The following TRPC5OS variants were observed in gnomAD, a reference collection of about 807,000 sequenced individuals.
The protein encoded by TRPC5OS is TRPC5 opposite strand, also known as putative uncharacterized protein TRPC5OS.
For synonymous variants in TRPC5OS, 30 were observed against 29.3 expected (o/e 1.02, Z -0.08); for missense variants, 64 against 79.3 (o/e 0.81, Z 0.73).
chrX:111,902,028 C>A lies in TRPC5OS; in HGVS notation c.179C>A (p.Ser60Ter). The A allele has an allele frequency of 8.7e-7, 1 of 1,155,625 alleles. No homozygotes were observed. Among genetic ancestry groups the A allele is most frequent in the Non-Finnish European group, 1.1e-6 (1 of 872,727 alleles). The change falls in exon 4 of 4, where the codon TCG becomes TAG. Residue 60 changes from serine (S) to a stop codon, truncating the protein, a stop_gained. Coordinates refer to ENST00000635763, the MANE Select transcript of TRPC5OS (RefSeq NM_001195578.2). LOFTEE classifies it low-confidence loss of function (END_TRUNC). ...EADAPLPEEPSLPDLPDLSDL... is the reference protein window; with the variant it reads ...EADAPLPEEP ...GATGCACCTCTTCCCGAGGAGCCTT[C>A]GCTACCTGATCTCCCTGATCTCTCA...
At chrX:111,885,427 T>A (rs1235292862) in intron 1 of TRPC5OS, among the ~76,000 whole-genome samples, 1 of 111,122 alleles carries the variant, frequency 9.0e-6, no homozygotes, top group East Asian at 2.8e-4. Flanking sequence ...AAGACTAGAG[T>A]GCCCAACTCA....
chrX:111,877,115 G>C (rs1198419789), intron 1 of TRPC5OS, among the ~76,000 whole-genome samples: 2 of 111,889 alleles, frequency 1.8e-5, no homozygotes, highest in African/African-American at 6.5e-5. Context: ...TGATAGCATG[G>C]CTGGAGGCAG....
At chrX:111,879,355 T>C (rs1924097544) in intron 1 of TRPC5OS, among the ~76,000 whole-genome samples, 1 of 112,245 alleles carries the variant, frequency 8.9e-6, no homozygotes, top group Non-Finnish European at 1.9e-5. Flanking sequence ...CAATGGGGCC[T>C]GTGGTCCCAG....
At chrX:111,883,552 A>G (rs1397851287) in intron 1 of TRPC5OS, among the ~76,000 whole-genome samples, 1 of 113,037 alleles carries the variant, frequency 8.8e-6, no homozygotes, top group East Asian at 2.8e-4. Context: ...TAGTTAAGCC[A>G]GTTAAAGCCT....
chrX:111,894,377 CA>C lies in TRPC5OS; in HGVS notation c.-545-1567del, dbSNP rs746147259. On this transcript the variant is annotated intron_variant, in intron 1 of 3. Transcript: ENST00000635763. ...GGTGACTTTTGATTAGTTGTGCAGA[CA>C]AAAAAAGTCCCAAGAGAGGTTAATA... is the stretch of plus-strand genomic sequence containing the variant. Among the ~76,000 whole-genome samples, 532 of 111,559 alleles carry C rather than the reference CA, an allele frequency of 4.8e-3. 1 individual carries two copies. Among genetic ancestry groups the C allele is most frequent in the Non-Finnish European group, 7.7e-3 (408 of 53,071 alleles).
chrX:111,881,665 G>A (rs1477323007), intron 1 of TRPC5OS, among the ~76,000 whole-genome samples: 1 of 110,831 alleles, frequency 9.0e-6, no homozygotes, highest in African/African-American at 3.3e-5. Context: ...AAATACATCT[G>A]GTTGCAAAGG....
chrX:111,891,282 G>A (rs1250793669), intron 1 of TRPC5OS, among the ~76,000 whole-genome samples: 1 of 111,853 alleles, frequency 8.9e-6, no homozygotes, highest in Admixed American at 9.5e-5. Flanking sequence ...GGTCTTTGAG[G>A]AATTGCCACA....
chrX:111,899,710 A>G (rs1042049909), intron 3 of TRPC5OS, among the ~76,000 whole-genome samples: 18 of 111,216 alleles, frequency 1.6e-4, no homozygotes, highest in African/African-American at 5.5e-4. Context: ...CTCTCTTACA[A>G]TATTTAACAC....
chrX:111,879,770 A>G (rs1924118333), intron 1 of TRPC5OS, among the ~76,000 whole-genome samples: 1 of 112,681 alleles, frequency 8.9e-6, no homozygotes. Flanking sequence ...TATGAGGCTC[A>G]TTCAGGTTAA....
intron 1 of TRPC5OS, among the ~76,000 whole-genome samples, chrX:111,891,980 C>T (rs1924829815): frequency 8.9e-6 from 1 of 112,286 alleles, no homozygotes; most frequent in Non-Finnish European, 1.9e-5. Context: ...TCATTAAAAA[C>T]AGAAGGGCCT....
At chrX:111,892,980 T>C (rs1924875633) in intron 1 of TRPC5OS, among the ~76,000 whole-genome samples, 1 of 111,564 alleles carries the variant, frequency 9.0e-6, no homozygotes, top group Non-Finnish European at 1.9e-5. Context: ...GTAATTCTCA[T>C]AACTGTCATT....
Position 111,901,903 on chromosome X carries a change from C to T in TRPC5OS, c.54C>T (p.Ala18=). 8.7e-7 allele frequency: 1 copy of T among 1,152,737 alleles called. No individual in the cohort carries two copies. The highest frequency in any genetic ancestry group is 1.1e-6 in the Non-Finnish European group (1 of 871,443). 95.0% of individuals were successfully genotyped at this position (1,152,737 alleles called of 1,213,427 possible). A position where few individuals can be genotyped will look rare whatever the true frequency, so the allele number is the denominator to read the frequency against. ...VLIDGLVACV[A]QLIRIADELL... ...TTGATGGACTTGTTGCTTGTGTAGC[C>T]CAGTTAATAAGAATAGCTGATGAGC... Residue 18 remains alanine, a synonymous_variant, in exon 4 of 4, where the codon GCC becomes GCT. Transcript: ENST00000635763.
At position 111,880,072 on chromosome X, in the gene TRPC5OS, A is replaced by G. The variant is rs1402611590; in HGVS notation, c.-546+3799A>G. On this transcript the variant is annotated intron_variant, in intron 1 of 3. Transcript: ENST00000635763. ...TTCATATTTTTAAAATGAAGATTAT[A>G]TTCATTTGTTGCTGCTTTTTTTTTT... is the stretch of plus-strand genomic sequence containing the variant. Among the ~76,000 whole-genome samples, 3 of 109,714 alleles carry G rather than the reference A, an allele frequency of 2.7e-5. No individual in the cohort carries two copies. The East Asian group carries it at 8.5e-4, about 31-fold the overall frequency.
intron 1 of TRPC5OS, among the ~76,000 whole-genome samples, chrX:111,880,096 T>A (rs1044569404): frequency 2.7e-5 from 3 of 111,842 alleles, no homozygotes; most frequent in Non-Finnish European, 3.8e-5. Flanking sequence ...GCTTTTTTTT[T>A]TTTAACCACA....
intron 3 of TRPC5OS, among the ~76,000 whole-genome samples, chrX:111,897,219 A>G (rs1925109139): frequency 9.0e-6 from 1 of 111,506 alleles, no homozygotes; most frequent in African/African-American, 3.3e-5. Flanking sequence ...AGCATTTTGG[A>G]TAAGGGATAC....
At chrX:111,877,547 G>T (rs1924008946) in intron 1 of TRPC5OS, among the ~76,000 whole-genome samples, 1 of 111,262 alleles carries the variant, frequency 9.0e-6, no homozygotes, top group South Asian at 3.8e-4. Context: ...AGGTGATCAG[G>T]CAGGTAGTGT....
chrX:111,877,216 A>G (rs971611388), intron 1 of TRPC5OS, among the ~76,000 whole-genome samples: 4 of 111,914 alleles, frequency 3.6e-5, no homozygotes, highest in African/African-American at 6.5e-5. Flanking sequence ...GTGACGTTAA[A>G]GAAGATATTT....
At chrX:111,900,516 CAT>C (rs755385030) in intron 3 of TRPC5OS, among the ~76,000 whole-genome samples, 91 of 111,780 alleles carry the variant, frequency 8.1e-4, no homozygotes, top group African/African-American at 2.7e-3. Flanking sequence ...CTTATAAAGA[CAT>C]GTGTCAGCTC....
chrX:111,893,784 A>T (rs2148608884), intron 1 of TRPC5OS, among the ~76,000 whole-genome samples: 1 of 112,298 alleles, frequency 8.9e-6, no homozygotes, highest in African/African-American at 3.2e-5. Context: ...GTCAGATCCT[A>T]TAACAGGCAA....
Sources: gnomAD v4.1 joint callset for allele counts (sites outside exome capture counted in the v4.1 genomes callset) on GRCh38, gnomAD v4.1.1 for gene constraint, MANE v1.5 for transcripts, NCBI Gene and HGNC (gene_info 2026-07-23, HGNC 2026-07-21) for gene names.